The following HSPA14 variants were observed in gnomAD, a reference collection of about 807,000 sequenced individuals.
HSPA14 encodes heat shock 70 kDa protein 14.
A neutral mutation model predicts 65.5 loss-of-function variants in HSPA14; 37 were observed. That is an observed-to-expected ratio of 0.56 (90% CI 0.43 to 0.74). HSPA14 has a LOEUF of 0.74. Ranked by LOEUF, HSPA14 falls within the 30% of genes least tolerant of loss-of-function variation. HSPA14 has a pLI of 0.00. For missense variants in HSPA14, 564 were observed against 607.6 expected, an observed-to-expected ratio of 0.93 and a Z score of 0.75; for synonymous variants, 203 against 214.2, an observed-to-expected ratio of 0.95 and a Z score of 0.46.
intron 8 of HSPA14, 99 bp from the exon 9 acceptor site, chr10:14,854,026 T>C: frequency 1.6e-6 from 2 of 1,222,380 alleles, no homozygotes; most frequent in Non-Finnish European, 2.3e-6. Flanking sequence ...CCTGATTCAC[T>C]AATTTATTAT....
intron 10 of HSPA14, among the ~76,000 whole-genome samples, chr10:14,859,356 ATGCATCAGACCACCC>A (rs1247227254): frequency 2.6e-5 from 4 of 152,250 alleles, no homozygotes; most frequent in African/African-American, 9.6e-5. Flanking sequence ...CTGGAATCCT[ATGCATCAGACCACCC>A]TGCCTCTTTT....
chr10:14,868,877 C>T (rs570643729), intron 12 of HSPA14, among the ~76,000 whole-genome samples: 109 of 152,244 alleles, frequency 7.2e-4, no homozygotes, highest in Non-Finnish European at 1.3e-3. Context: ...GACGGAGTCT[C>T]GCTCTCTTGC....
intron 3 of HSPA14, chr10:14,843,751 C>G: frequency 6.5e-7 from 1 of 1,536,534 alleles, no homozygotes; most frequent in South Asian, 1.2e-5. Context: ...GGCCAGTGCT[C>G]AGCAAGATAC....
chr10:14,852,476 G>A lies in HSPA14; in HGVS notation c.679G>A (p.Gly227Ser), dbSNP rs1373419445. 5.0e-6 allele frequency: 8 copies of A among 1,613,112 alleles called. No homozygotes were observed. The highest frequency in any genetic ancestry group is 1.1e-5 in the South Asian group (1 of 91,068). The part of the protein sequence containing the change: ...VLSTNTDDNI[G>S]GAHFTETLAQ... ...TTCAACAAACACTGATGATAACATC[G>A]GTGGTGCACATTTCACAGAAACCTT... Residue 227 changes from glycine to serine, a missense_variant, in exon 8 of 14, where the codon GGT (glycine) becomes AGT (serine). Physicochemically the swap from Gly to Ser is moderately conservative, Grantham distance 56. Coordinates refer to ENST00000378372, the MANE Select transcript of HSPA14 (RefSeq NM_016299.4).
chr10:14,871,270 C>T (rs1832852045), intron 13 of HSPA14, among the ~76,000 whole-genome samples: 1 of 152,140 alleles, frequency 6.6e-6, no homozygotes, highest in African/African-American at 2.4e-5. Flanking sequence ...AGATGTTTGT[C>T]ATCATGGGTT....
chr10:14,854,374 T>C, intron 9 of HSPA14, 94 bp downstream of exon 9: 1 of 1,044,676 alleles, frequency 9.6e-7, no homozygotes. Context: ...GTTTGTTTGT[T>C]TGAGATTTAT....
In HSPA14 at chr10:14,867,754, G is replaced by A; in HGVS notation, c.1225G>A (p.Ala409Thr). Residue 409 changes from alanine (A) to threonine (T), a missense_variant, in exon 12 of 14, where the codon GCC becomes ACC. Transcript: ENST00000378372. Reference sequence around the variant, plus strand: ...TAACTAGGGTGTGGACGAATCAGGAGCCAGTAGATTCACAGTGCTGTTTCC... The same window carrying A: ...TAACTAGGGTGTGGACGAATCAGGAACCAGTAGATTCACAGTGCTGTTTCC... ...ILVKGVDESGASRFTVLFPSG... is the reference protein window; with the variant it reads ...ILVKGVDESGTSRFTVLFPSG... 2.5e-6 allele frequency: 4 copies of A among 1,613,884 alleles called. No homozygotes were observed. Among genetic ancestry groups the A allele is most frequent in the Non-Finnish European group, 3.4e-6 (4 of 1,179,922 alleles).
chr10:14,863,969 T>A (rs1284379918), intron 10 of HSPA14, among the ~76,000 whole-genome samples: 1 of 150,800 alleles, frequency 6.6e-6, no homozygotes, highest in Non-Finnish European at 1.5e-5. Flanking sequence ...AGAGGTTGTG[T>A]AAGGACACAG....
chr10:14,855,038 G>T (rs2131642419), intron 9 of HSPA14, among the ~76,000 whole-genome samples: 1 of 152,286 alleles, frequency 6.6e-6, no homozygotes, highest in Middle Eastern at 3.4e-3. Context: ...TTTGGACAGA[G>T]TATGTGTATT....
At position 14,855,684 on chromosome 10, in the gene HSPA14, T is replaced by C. The variant is rs11818612; in HGVS notation, c.891-157T>C. Among the ~76,000 whole-genome samples, 5 of 152,070 alleles carry C rather than the reference T, an allele frequency of 3.3e-5. No individual in the cohort carries two copies. In the East Asian group the frequency reaches 9.6e-4, roughly 29 times the overall value. On this transcript the variant is annotated intron_variant, in intron 9 of 13. Coordinates refer to ENST00000378372, the MANE Select transcript of HSPA14 (RefSeq NM_016299.4). ...ACTCTTACTTAATACCTTATTCTTA[T>C]GGTAAACCTGTCATTCAGAGAACTA...
intron 3 of HSPA14, chr10:14,846,496 AG>A: frequency 1.0e-6 from 1 of 985,368 alleles, no homozygotes. Context: ...TATTAAGGGG[AG>A]GGAAATTGGA....
intron 3 of HSPA14, chr10:14,845,455 C>T (rs1306811889): frequency 4.1e-6 from 4 of 985,172 alleles, no homozygotes; most frequent in Non-Finnish European, 2.4e-6. Context: ...AGACGGCAAG[C>T]GAGCTGCTCT....
At chr10:14,866,720 A>T (rs1832809859) in intron 10 of HSPA14, among the ~76,000 whole-genome samples, 1 of 149,134 alleles carries the variant, frequency 6.7e-6, no homozygotes, top group Non-Finnish European at 1.5e-5. Flanking sequence ...TCAAACTTTT[A>T]AAAAAAAAAC....
chr10:14,846,248 T>G (rs1834051456), intron 3 of HSPA14: 13 of 985,276 alleles, frequency 1.3e-5, no homozygotes, highest in Non-Finnish European at 1.4e-5. Context: ...GGTAGGTAGA[T>G]TTTCTGGAAA....
intron 3 of HSPA14, chr10:14,846,446 G>A (rs1360241120): frequency 1.1e-5 from 11 of 985,148 alleles, no homozygotes; most frequent in Non-Finnish European, 1.3e-5. Flanking sequence ...AAAGTCAAGG[G>A]AAAGGTCTTG....
chr10:14,842,173 T>C lies in HSPA14; in HGVS notation c.221+2016T>C, dbSNP rs1406405065. 6 of 1,534,998 alleles carry C rather than the reference T, an allele frequency of 3.9e-6. No homozygotes were observed. The highest frequency in any genetic ancestry group is 1.4e-5 in the African/African-American group (1 of 73,156). On this transcript the variant is annotated intron_variant, in intron 3 of 13. Transcript: ENST00000378372. The surrounding 1 kb of genome is among the most constrained non-coding windows in gnomAD (Gnocchi z 5.2). ...CTTGGACCTGGCTTCTCAGCAATTATCCCTGAGAGGGAAGATCCTGGAGAT... is the reference window on the plus strand; with the variant it reads ...CTTGGACCTGGCTTCTCAGCAATTACCCCTGAGAGGGAAGATCCTGGAGAT...
chr10:14,847,960 A>G (rs1049384004), intron 3 of HSPA14, among the ~76,000 whole-genome samples: 2 of 152,224 alleles, frequency 1.3e-5, no homozygotes, highest in Non-Finnish European at 2.9e-5. Flanking sequence ...TTGTTAGCTT[A>G]TAAGTTATTG....
chr10:14,841,471 T>G (rs1833970114), intron 3 of HSPA14, among the ~76,000 whole-genome samples: 1 of 152,200 alleles, frequency 6.6e-6, no homozygotes, highest in African/African-American at 2.4e-5. Flanking sequence ...AACACATTGC[T>G]GGATTCACCA....
intron 3 of HSPA14, chr10:14,844,237 C>G: frequency 1.1e-5 from 12 of 1,092,658 alleles, no homozygotes; most frequent in Non-Finnish European, 1.4e-5. Context: ...CCCTGCCTAC[C>G]TCACAGGGTT....
Sources: gnomAD v4.1 joint callset for allele counts (sites outside exome capture counted in the v4.1 genomes callset) on GRCh38, gnomAD v4.1.1 for gene constraint, Gnocchi (gnomAD v3.1) non-coding constraint, MANE v1.5 for transcripts, NCBI Gene and HGNC (gene_info 2026-07-23, HGNC 2026-07-21) for gene names.